DCT: variants seen among roughly 807,000 people sequenced by gnomAD.
DCT encodes dopachrome tautomerase.
A neutral mutation model predicts 53.0 loss-of-function variants in DCT; 47 were observed. The ratio of observed to expected loss-of-function variants is 0.89; its 90% CI spans 0.70 to 1.13. DCT has a LOEUF of 1.13. Ranked by LOEUF, DCT falls within the 50% of genes most tolerant of loss-of-function variation. The probability of loss-of-function intolerance (pLI) is 0.00; values close to 1 mark genes in which losing one functional copy is unlikely to be tolerated. For missense variants in DCT, 669 were observed against 637.4 expected (o/e 1.05, Z -0.53); for synonymous variants, 244 against 237.0 (o/e 1.03, Z -0.27).
At chr13:94,530,033 G>C in the DCT span, among the ~76,000 whole-genome samples, 7 of 152,182 alleles carry the variant, frequency 4.6e-5, no homozygotes, top group Non-Finnish European at 7.4e-5. Flanking sequence ...ACATCTAGAA[G>C]AAATGGATAA....
chr13:94,547,851 A>G, the DCT span, among the ~76,000 whole-genome samples: 3 of 149,590 alleles, frequency 2.0e-5, no homozygotes, highest in Non-Finnish European at 3.0e-5. Flanking sequence ...TTAGCCGGGC[A>G]TGGTGGCGGG....
chr13:94,516,939 G>A, the DCT span, among the ~76,000 whole-genome samples: 8 of 152,146 alleles, frequency 5.3e-5, no homozygotes, highest in Non-Finnish European at 7.3e-5. Context: ...TCCTAACCAA[G>A]TAATTTACAA....
At chr13:94,463,580 G>A (rs776100867) in intron 4 of DCT, among the ~76,000 whole-genome samples, 6 of 151,908 alleles carry the variant, frequency 3.9e-5, no homozygotes, top group African/African-American at 1.2e-4. Context: ...GTGAGCCACC[G>A]TGCCCAGCTA....
At chr13:94,478,472 A>T (rs1885248316) in intron 1 of DCT, among the ~76,000 whole-genome samples, 1 of 152,128 alleles carries the variant, frequency 6.6e-6, no homozygotes. Flanking sequence ...GCGAGACTCC[A>T]TCTCCAAAAA....
the DCT span, among the ~76,000 whole-genome samples, chr13:94,537,470 G>A: frequency 2.6e-5 from 4 of 152,326 alleles, no homozygotes; most frequent in East Asian, 1.9e-4. Flanking sequence ...GCAGATGGCC[G>A]TTCCTAAACT....
In DCT at chr13:94,479,424, A is replaced by G. The variant is rs897478513; in HGVS notation, c.-169T>C. 38 of 621,946 alleles carry G rather than the reference A, an allele frequency of 6.1e-5. No individual in the cohort carries two copies. Among genetic ancestry groups the G allele is most frequent in the Non-Finnish European group, 9.8e-5 (36 of 365,940 alleles). The allele number at this position is 621,946 out of a possible 1,614,324, so 38.5% of individuals were successfully genotyped here. On this transcript the variant is annotated 5_prime_UTR_variant, in exon 1 of 8. The change abolishes an upstream ATG in the 5' untranslated region. Coordinates refer to ENST00000377028, the MANE Select transcript of DCT (RefSeq NM_001922.5). ...TACCCACAAGAATCACAGAGGTTACATGTGTGCACATGTGTACATGAACGT... is the reference window on the plus strand; with the variant it reads ...TACCCACAAGAATCACAGAGGTTACGTGTGTGCACATGTGTACATGAACGT...
In DCT at chr13:94,437,086, G is replaced by A. The variant is rs1881952467; in HGVS notation, c.*2812C>T. 2 of 152,122 alleles carry A rather than the reference G, an allele frequency of 1.3e-5. No individual in the cohort carries two copies. Among genetic ancestry groups the A allele is most frequent in the African/African-American group, 4.8e-5 (2 of 41,414 alleles). 9.4% of individuals were successfully genotyped at this position (152,122 alleles called of 1,614,324 possible). ...AAGTAACTTCACCTGAGGAAAGGCTGGCTCTCCTTTTCCTACCTGTTCAAA... is the reference window on the plus strand; with the variant it reads ...AAGTAACTTCACCTGAGGAAAGGCTAGCTCTCCTTTTCCTACCTGTTCAAA... On this transcript the variant is annotated 3_prime_UTR_variant, in exon 8 of 8. Transcript: ENST00000377028.
chr13:94,540,563 A>G, the DCT span, among the ~76,000 whole-genome samples: 109 of 152,344 alleles, frequency 7.2e-4, no homozygotes, highest in Non-Finnish European at 1.2e-3. Flanking sequence ...AAAATGCTCA[A>G]CATCACTAAT....
the DCT span, among the ~76,000 whole-genome samples, chr13:94,542,342 C>T: frequency 2.7e-4 from 41 of 152,174 alleles, no homozygotes; most frequent in Non-Finnish European, 5.3e-4. Context: ...GTGCACACCA[C>T]CATGACCAGC....
chr13:94,478,934 C>G, intron 1 of DCT, 27 bp downstream of exon 1: 1 of 1,572,934 alleles, frequency 6.4e-7, no homozygotes, highest in South Asian at 1.2e-5. Context: ...CTGGCCCTCC[C>G]CACCAAGCTT....
Position 94,462,001 on chromosome 13 carries a change from A to G in DCT, c.1043+9T>C. ...TACAGGCAGGTCCAGCAGAGCTCAG[A>G]GCACCCACCTGAAACTGAAGGTAGA... On this transcript the variant is annotated intron_variant, in intron 5 of 7. Coordinates refer to ENST00000377028, the MANE Select transcript of DCT (RefSeq NM_001922.5). The G allele has an allele frequency of 2.5e-6, 4 of 1,611,726 alleles. No homozygotes were observed. Among genetic ancestry groups the G allele is most frequent in the Non-Finnish European group, 3.4e-6 (4 of 1,178,716 alleles).
At chr13:94,531,642 A>T in the DCT span, among the ~76,000 whole-genome samples, 1 of 152,236 alleles carries the variant, frequency 6.6e-6, no homozygotes, top group Non-Finnish European at 1.5e-5. Context: ...AAATCAACTC[A>T]AGATGGATTA....
chr13:94,507,647 C>T, the DCT span, among the ~76,000 whole-genome samples: 1 of 151,908 alleles, frequency 6.6e-6, no homozygotes, highest in Non-Finnish European at 1.5e-5. Flanking sequence ...ACTATAAGCG[C>T]CCACCACCAT....
At position 94,438,709 on chromosome 13, in the gene DCT, A is replaced by C; in HGVS notation, c.*1189T>G. The stretch of plus-strand genomic sequence containing the variant: ...CATGATAAGTCTGAACATCGTAGTA[A>C]AGATTGTCTCATTCTTATTCCTCAT... On this transcript the variant is annotated 3_prime_UTR_variant, in exon 8 of 8. Transcript: ENST00000377028. 2.2e-6 allele frequency: 1 copy of C among 454,120 alleles called. No homozygotes were observed. The highest frequency in any genetic ancestry group is 4.4e-6 in the Non-Finnish European group (1 of 226,042). The allele number at this position is 454,120 out of a possible 1,614,324, so 28.1% of individuals were successfully genotyped here. A position where few individuals can be genotyped will look rare whatever the true frequency, so the allele number is the denominator to read the frequency against.
At chr13:94,512,189 C>T in the DCT span, among the ~76,000 whole-genome samples, 1 of 152,082 alleles carries the variant, frequency 6.6e-6, no homozygotes, top group Admixed American at 6.6e-5. Flanking sequence ...ATAATAGCAG[C>T]AGGGATTGAG....
chr13:94,502,018 C>T, the DCT span, among the ~76,000 whole-genome samples: 1 of 104,948 alleles, frequency 9.5e-6, no homozygotes. Context: ...CTTCACTGTT[C>T]CATAGCCCCA....
chr13:94,509,154 C>G, the DCT span, among the ~76,000 whole-genome samples: 2 of 152,160 alleles, frequency 1.3e-5, no homozygotes, highest in African/African-American at 4.8e-5. Context: ...ATCAGACAAC[C>G]AGTGCATTGC....
At chr13:94,459,761 G>T (rs1021541368) in intron 6 of DCT, among the ~76,000 whole-genome samples, 3 of 152,076 alleles carry the variant, frequency 2.0e-5, no homozygotes, top group African/African-American at 7.2e-5. Flanking sequence ...CACATTGAAG[G>T]TGGTTTGTGT....
intron 7 of DCT, among the ~76,000 whole-genome samples, chr13:94,442,783 T>G (rs1398946472): frequency 6.6e-6 from 1 of 152,196 alleles, no homozygotes; most frequent in Non-Finnish European, 1.5e-5. Context: ...TGGTATAGGC[T>G]AAATGGGAAA....
Sources: allele counts gnomAD v4.1 joint callset (sites outside exome capture counted in the v4.1 genomes callset), GRCh38; gene constraint gnomAD v4.1.1; transcripts MANE v1.5; gene names NCBI Gene and HGNC (gene_info 2026-07-23, HGNC 2026-07-21).